ADI1: variants seen among roughly 807,000 people sequenced by gnomAD.
ADI1 encodes the protein acireductone dioxygenase 1.
A neutral mutation model predicts 18.7 loss-of-function variants in ADI1; 21 were observed. That is an observed-to-expected ratio of 1.13 (90% CI 0.80 to 1.62). The LOEUF is 1.62. Ranked by LOEUF, ADI1 falls within the 40% of genes most tolerant of loss-of-function variation. The pLI is 0.00. For missense variants in ADI1, 245 were observed against 254.9 expected (o/e 0.96, Z 0.26); for synonymous variants, 90 against 100.1 (o/e 0.90, Z 0.60).
At chr2:3,512,090 G>A (rs545747323) in intron 2 of ADI1, among the ~76,000 whole-genome samples, 3 of 152,338 alleles carry the variant, frequency 2.0e-5, no homozygotes, top group African/African-American at 7.2e-5. Context: ...ATATTTAAAA[G>A]GGAAGCAGAG....
intron 1 of ADI1, chr2:3,515,875 A>C: frequency 1.0e-6 from 1 of 980,942 alleles, no homozygotes; most frequent in Non-Finnish European, 1.2e-6. Flanking sequence ...CTATGTTGAA[A>C]TATTGGGGGT....
intron 1 of ADI1, 32 bp from the exon 2 acceptor site, chr2:3,514,008 T>C (rs1271498371): frequency 1.3e-6 from 2 of 1,570,690 alleles, no homozygotes; most frequent in South Asian, 1.2e-5. Context: ...AAACAAGAGC[T>C]CAGATTAACA....
At chr2:3,518,662 G>A (rs1471372988) in intron 1 of ADI1, among the ~76,000 whole-genome samples, 2 of 151,832 alleles carry the variant, frequency 1.3e-5, no homozygotes, top group African/African-American at 2.4e-5. Context: ...ACAGACCGCG[G>A]CAGGACCCCG....
rs925101786 is a variant in ADI1 at position 3,497,982 on chromosome 2, C to A, written c.*981G>T. 6.6e-6 allele frequency: 1 copy of A among 152,026 alleles called. No homozygotes were observed. Among genetic ancestry groups the A allele is most frequent in the Non-Finnish European group, 1.5e-5 (1 of 68,018 alleles). The allele number at this position is 152,026 out of a possible 1,614,324, so 9.4% of individuals were successfully genotyped here. A position where few individuals can be genotyped will look rare whatever the true frequency, so the allele number is the denominator to read the frequency against. ...TCACACTTGACAGAAGCAAGCCCTG[C>A]GGTATATGGCATCATCACACCACCG... On this transcript the variant is annotated 3_prime_UTR_variant, in exon 4 of 4. Coordinates refer to ENST00000327435, the MANE Select transcript of ADI1 (RefSeq NM_018269.4).
intron 1 of ADI1, among the ~76,000 whole-genome samples, chr2:3,518,695 C>T (rs1430426869): frequency 6.6e-6 from 1 of 151,980 alleles, no homozygotes; most frequent in East Asian, 1.9e-4. Context: ...GGCGCCCGGT[C>T]CCTCCCCCAG....
At chr2:3,517,482 T>C (rs1223201814) in intron 1 of ADI1, 4 of 152,190 alleles carry the variant, frequency 2.6e-5, no homozygotes, top group African/African-American at 7.2e-5. Context: ...AGAAAGCATA[T>C]AGGCCGGGTG....
chr2:3,505,875 A>G (rs1667164899), intron 2 of ADI1, among the ~76,000 whole-genome samples: 1 of 152,188 alleles, frequency 6.6e-6, no homozygotes, highest in Non-Finnish European at 1.5e-5. Flanking sequence ...GTCCCAAAAG[A>G]GCTTGCTTCT....
intron 2 of ADI1, among the ~76,000 whole-genome samples, chr2:3,507,618 G>A (rs1051063817): frequency 1.4e-4 from 22 of 152,058 alleles, no homozygotes; most frequent in Admixed American, 5.2e-4. Context: ...AGAATTTGTC[G>A]CCCGTAGACT....
chr2:3,502,774 T>C lies in ADI1; in HGVS notation c.241-1781A>G, dbSNP rs188627420. Among the ~76,000 whole-genome samples, 412 of 152,224 alleles carry C rather than the reference T, an allele frequency of 2.7e-3. 3 individuals are homozygous for C. The highest frequency in any genetic ancestry group is 3.5e-3 in the Non-Finnish European group (241 of 68,014). ...GACAAACGGAAATAACTCTTGAACA[T>C]ATTATTTTGACTACATCCTCAGGCT... On this transcript the variant is annotated intron_variant, in intron 2 of 3. Coordinates refer to ENST00000327435, the MANE Select transcript of ADI1 (RefSeq NM_018269.4).
Position 3,498,633 on chromosome 2 carries a change from G to C in ADI1, c.*330C>G. On this transcript the variant is annotated 3_prime_UTR_variant, in exon 4 of 4. Transcript: ENST00000327435. The stretch of plus-strand genomic sequence containing the variant: ...AGGATTGCACCTTCTTACACGGCAG[G>C]CGCGGCATCACGTCCAGATGGGCAT... The C allele has an allele frequency of 4.5e-6, 1 of 222,318 alleles. No homozygotes were observed. Among genetic ancestry groups the C allele is most frequent in the South Asian group, 1.5e-4 (1 of 6,468 alleles). 13.8% of individuals were successfully genotyped at this position (222,318 alleles called of 1,614,324 possible).
Position 3,500,820 on chromosome 2 carries a change from G to A in ADI1, c.414C>T (p.Asp138=), listed in dbSNP as rs751091360. 9.9e-6 allele frequency: 16 copies of A among 1,613,922 alleles called. No homozygotes were observed. Among genetic ancestry groups the A allele is most frequent in the African/African-American group, 1.3e-5 (1 of 74,946 alleles). ...GAAAGCACAGCACTCCCACCTTCTC[G>A]TCCACCGTGAAGCGGTGATAGATCC... ...PAGIYHRFTV[D]EKNYTKAMRL... The change falls in exon 3 of 4, where the codon GAC becomes GAT. Residue 138 remains aspartate, a synonymous_variant. Transcript: ENST00000327435.
intron 1 of ADI1, 156 bp downstream of exon 1, chr2:3,519,212 C>T (rs1667501511): frequency 1.6e-5 from 19 of 1,160,530 alleles, no homozygotes; most frequent in Non-Finnish European, 1.4e-5. Context: ...ACCCCAGGCA[C>T]CGGGAGCCGC....
intron 2 of ADI1, 59 bp downstream of exon 2, chr2:3,513,798 C>T (rs1667340879): frequency 7.4e-6 from 11 of 1,490,102 alleles, no homozygotes; most frequent in South Asian, 2.8e-5. Context: ...GAAAATATTG[C>T]GTCTATTAGT....
intron 2 of ADI1, among the ~76,000 whole-genome samples, chr2:3,504,954 T>TG: frequency 6.6e-6 from 1 of 152,094 alleles, no homozygotes; most frequent in Admixed American, 6.6e-5. Flanking sequence ...ATGTTTGTAT[T>TG]TTCTGTTCAC....
chr2:3,504,345 G>C (rs905994462), intron 2 of ADI1, among the ~76,000 whole-genome samples: 1 of 152,234 alleles, frequency 6.6e-6, no homozygotes, highest in African/African-American at 2.4e-5. Context: ...TACCAGGAGA[G>C]AAGTAATTCC....
chr2:3,513,787 A>G (rs1667340741), intron 2 of ADI1, 70 bp downstream of exon 2: 1 of 1,474,696 alleles, frequency 6.8e-7, no homozygotes, highest in African/African-American at 1.4e-5. Flanking sequence ...GAAAAAAGAA[A>G]GAAAATATTG....
At chr2:3,508,334 CAAAAAAAAAAA>C (rs33977448) in intron 2 of ADI1, among the ~76,000 whole-genome samples, 2,996 of 26,990 alleles carry the variant, frequency 0.11, 150 homozygotes, top group African/African-American at 0.23. Flanking sequence ...GACTCTGTCT[CAAAAAAAAAAA>C]AAAAAAAAAA....
rs1667344871 is a variant in ADI1, at chr2:3,513,940, C to A, written c.157G>T (p.Glu53Ter). 6.2e-7 allele frequency: 1 copy of A among 1,611,892 alleles called. No individual in the cohort carries two copies. The highest frequency in any genetic ancestry group is 8.5e-7 in the Non-Finnish European group (1 of 1,179,552). ...TAGTTCCTCTCTCTTCGGATCTTTTCTAATTCTGGATCATTCTCATATTTG... is the reference window on the plus strand; with the variant it reads ...TAGTTCCTCTCTCTTCGGATCTTTTATAATTCTGGATCATTCTCATATTTG... ...ADKYENDPEL[E>*]KIRRERNYSW... Residue 53 changes from glutamate to a stop codon, truncating the protein, a stop_gained, in exon 2 of 4, where the codon GAA (glutamate) becomes TAA (stop). Coordinates refer to ENST00000327435, the MANE Select transcript of ADI1 (RefSeq NM_018269.4). LOFTEE classifies it high-confidence loss of function.
chr2:3,502,874 A>C (rs1461025357), intron 2 of ADI1, among the ~76,000 whole-genome samples: 1 of 152,182 alleles, frequency 6.6e-6, no homozygotes, highest in Non-Finnish European at 1.5e-5. Flanking sequence ...GGGTGCTGCC[A>C]TGCTGATGCT....
Sources: allele counts gnomAD v4.1 joint callset (sites outside exome capture counted in the v4.1 genomes callset), GRCh38; gene constraint gnomAD v4.1.1; transcripts MANE v1.5; gene names NCBI Gene and HGNC (gene_info 2026-07-23, HGNC 2026-07-21).